The following ABHD18 variants were observed in gnomAD, a reference collection of about 807,000 sequenced individuals.
The protein encoded by ABHD18 is abhydrolase domain containing 18.
ABHD18 carries 55 observed loss-of-function variants against 65.9 expected under a neutral mutation model. The ratio of observed to expected loss-of-function variants is 0.84; its 90% CI spans 0.67 to 1.05. ABHD18 has a LOEUF of 1.05. ABHD18 is among the 50% of genes least tolerant of loss of function. The pLI, the probability that ABHD18 is intolerant of heterozygous loss-of-function variation, is 0.00. For missense variants in ABHD18, 533 were observed against 558.5 expected (o/e 0.95, Z 0.46); for synonymous variants, 181 against 180.2 (o/e 1.00, Z -0.04).
At chr4:128,011,047 AAAAT>A (rs1309190146) in intron 6 of ABHD18, among the ~76,000 whole-genome samples, 1 of 152,210 alleles carries the variant, frequency 6.6e-6, no homozygotes, top group African/African-American at 2.4e-5. Flanking sequence ...AACGAAATAA[AAAAT>A]AAACTTCATT....
At chr4:127,983,733 C>A (rs1313974368) in intron 2 of ABHD18, among the ~76,000 whole-genome samples, 2 of 152,040 alleles carry the variant, frequency 1.3e-5, no homozygotes, top group South Asian at 4.1e-4. Flanking sequence ...GGCATGGTGA[C>A]GGGCACCTGT....
chr4:127,984,499 G>GTTATACTCC, intron 3 of ABHD18, 76 bp downstream of exon 3: 1 of 759,796 alleles, frequency 1.3e-6, no homozygotes, highest in Non-Finnish European at 2.1e-6. Context: ...TTACATATTG[G>GTTATACTCC]AGTATAACAA....
At chr4:128,033,816 G>A (rs1362396077) in intron 12 of ABHD18, among the ~76,000 whole-genome samples, 5 of 151,988 alleles carry the variant, frequency 3.3e-5, no homozygotes, top group Admixed American at 1.3e-4. Flanking sequence ...GATTACAGGC[G>A]TGAGCCACCG....
At position 128,039,042 on chromosome 4, in the gene ABHD18, CATATACGTATAT is replaced by C. The variant is rs1413291436; in HGVS notation, c.*3230_*3241del. 3.3e-5 allele frequency: 5 copies of C among 150,090 alleles called. No individual in the cohort carries two copies. The highest frequency in any genetic ancestry group is 7.4e-5 in the Non-Finnish European group (5 of 67,704). The allele number at this position is 150,090 out of a possible 1,614,324, so 9.3% of individuals were successfully genotyped here. Reference sequence around the variant, plus strand: ...GTGTTCTCAAATACATAAATATACACATATACGTATATGTATACGTTTTATATATATATACAC... The same window carrying C: ...GTGTTCTCAAATACATAAATATACACGTATACGTTTTATATATATATACAC... On this transcript the variant is annotated 3_prime_UTR_variant, in exon 13 of 13. Coordinates refer to ENST00000645843, the MANE Select transcript of ABHD18 (RefSeq NM_001358451.3).
intron 2 of ABHD18, 96 bp from the exon 3 acceptor site, chr4:127,984,243 A>T: frequency 1.6e-6 from 1 of 631,528 alleles, no homozygotes; most frequent in Non-Finnish European, 2.7e-6. Flanking sequence ...TGGATTTGCT[A>T]ATTTTTAATT....
chr4:128,037,175 A>G lies in ABHD18; in HGVS notation c.*1362A>G, dbSNP rs1560957025. On this transcript the variant is annotated 3_prime_UTR_variant, in exon 13 of 13. Coordinates refer to ENST00000645843, the MANE Select transcript of ABHD18 (RefSeq NM_001358451.3). ...GCCGGGCATGGTGGCAGGCACCTGT[A>G]ATCCCAGCTACTCGGGAGGCTGAGG... is the stretch of plus-strand genomic sequence containing the variant. The G allele has an allele frequency of 1.3e-5, 2 of 151,628 alleles. No homozygotes were observed. Among genetic ancestry groups the G allele is most frequent in the Admixed American group, 6.6e-5 (1 of 15,074 alleles). The allele number at this position is 151,628 out of a possible 1,614,324, so 9.4% of individuals were successfully genotyped here. A position where few individuals can be genotyped will look rare whatever the true frequency, so the allele number is the denominator to read the frequency against.
intron 4 of ABHD18, among the ~76,000 whole-genome samples, chr4:127,991,396 G>C (rs903804081): frequency 6.6e-6 from 1 of 152,000 alleles, no homozygotes; most frequent in Non-Finnish European, 1.5e-5. Flanking sequence ...GCTAATTTTT[G>C]TATTTTTAGT....
intron 4 of ABHD18, among the ~76,000 whole-genome samples, chr4:127,999,580 AT>A (rs963420914): frequency 7.2e-5 from 11 of 152,068 alleles, no homozygotes; most frequent in Admixed American, 7.2e-4. Context: ...GGGTGATGGG[AT>A]TATTATTCTT....
chr4:128,020,871 TA>T (rs748664519), intron 9 of ABHD18, among the ~76,000 whole-genome samples: 1 of 151,956 alleles, frequency 6.6e-6, no homozygotes, highest in African/African-American at 2.4e-5. Context: ...CTGTCTCTAC[TA>T]AAAATACAAA....
chr4:127,971,482 CTTTTTTTTTTTT>C (rs1156788634), intron 1 of ABHD18, among the ~76,000 whole-genome samples: 79 of 51,932 alleles, frequency 1.5e-3, no homozygotes, highest in African/African-American at 5.2e-3. Flanking sequence ...CCAGAGTTGG[CTTTTTTTTTTTT>C]TTTTTTTTTT....
intron 1 of ABHD18, among the ~76,000 whole-genome samples, chr4:127,975,171 C>T (rs1232268444): frequency 2.0e-5 from 3 of 151,826 alleles, no homozygotes; most frequent in African/African-American, 4.8e-5. Context: ...CAAAATTTAC[C>T]ATCTTAATAA....
chr4:128,017,367 T>A lies in ABHD18; in HGVS notation c.475T>A (p.Ser159Thr). The change falls in exon 8 of 13, where the codon TCC becomes ACC. Residue 159 changes from serine to threonine, a missense_variant. Ser to Thr is a moderately conservative substitution (Grantham distance 58). Transcript: ENST00000645843. ...TATTTTGTTTTGTGAGGCTAGAAGG[T>A]CCAGCTTAAAAAATGTGTCCGACCT... ...GCRKPKDQVR[S>T]SLKNVSDLFV... The A allele has an allele frequency of 6.2e-7, 1 of 1,613,206 alleles. No individual in the cohort carries two copies. The highest frequency in any genetic ancestry group is 8.5e-7 in the Non-Finnish European group (1 of 1,179,680).
Position 128,028,450 on chromosome 4 carries a change from GTTTTC to G in ABHD18, c.802-21_802-17del, listed in dbSNP as rs1485269589. On this transcript the variant is annotated intron_variant, in intron 10 of 12. Transcript: ENST00000645843. The stretch of plus-strand genomic sequence containing the variant: ...AATACCCTATTTTATATTAAATAAT[GTTTTC>G]TTTCCTTTCATATGTTCAGACAGAT... 1.4e-6 allele frequency: 2 copies of G among 1,415,466 alleles called. No homozygotes were observed. The highest frequency in any genetic ancestry group is 1.5e-5 in the African/African-American group (1 of 68,276). The allele number at this position is 1,415,466 out of a possible 1,614,324, so 87.7% of individuals were successfully genotyped here. A position where few individuals can be genotyped will look rare whatever the true frequency, so the allele number is the denominator to read the frequency against.
chr4:127,992,828 G>A (rs902810060), intron 4 of ABHD18, among the ~76,000 whole-genome samples: 1 of 152,040 alleles, frequency 6.6e-6, no homozygotes, highest in African/African-American at 2.4e-5. Flanking sequence ...ACAGACTTGA[G>A]CCACTGCACC....
chr4:127,998,281 C>CTTTTTTTTTT (rs993883974), intron 4 of ABHD18, among the ~76,000 whole-genome samples: 1 of 119,838 alleles, frequency 8.3e-6, no homozygotes, highest in Non-Finnish European at 1.7e-5. Flanking sequence ...CAAGACGTTT[C>CTTTTTTTTTT]TTTTTTTTTT....
chr4:128,022,918 G>A (rs199973999), intron 10 of ABHD18, among the ~76,000 whole-genome samples: 3 of 151,878 alleles, frequency 2.0e-5, no homozygotes, highest in Admixed American at 6.6e-5. Flanking sequence ...CTACAGGCAC[G>A]CGCCACTATG....
At chr4:127,971,061 G>A (rs1379046380) in intron 1 of ABHD18, among the ~76,000 whole-genome samples, 2 of 150,066 alleles carry the variant, frequency 1.3e-5, no homozygotes, top group East Asian at 4.0e-4. Context: ...GGTGACAAGA[G>A]CCAGACTCTG....
intron 3 of ABHD18, among the ~76,000 whole-genome samples, chr4:127,988,340 C>G (rs1360549134): frequency 1.3e-5 from 2 of 152,156 alleles, no homozygotes; most frequent in Non-Finnish European, 2.9e-5. Flanking sequence ...AGGTGATCCT[C>G]CCACCTCAGC....
chr4:127,998,558 A>G (rs1401383768), intron 4 of ABHD18, among the ~76,000 whole-genome samples: 1 of 148,716 alleles, frequency 6.7e-6, no homozygotes, highest in East Asian at 2.0e-4. Context: ...TTTTTTTTTA[A>G]GAGACTGGAT....
Sources: allele counts gnomAD v4.1 joint callset (sites outside exome capture counted in the v4.1 genomes callset), GRCh38; gene constraint gnomAD v4.1.1; transcripts MANE v1.5; gene names NCBI Gene and HGNC (gene_info 2026-07-23, HGNC 2026-07-21).